CNTN5: variants seen among roughly 807,000 people sequenced by gnomAD.
The protein encoded by CNTN5 is contactin-5.
In CNTN5, 77 loss-of-function variants were observed where a neutral mutation model predicts 129.1. The observed-to-expected ratio is 0.60, with a 90% CI of 0.50 to 0.72. The LOEUF is 0.72. CNTN5 is among the 30% of genes least tolerant of loss of function. The pLI is 0.00. For synonymous variants in CNTN5, 509 were observed against 465.6 expected, an observed-to-expected ratio of 1.09 and a Z score of -1.20; for missense variants, 1,478 against 1,328.8, an observed-to-expected ratio of 1.11 and a Z score of -1.75.
rs1358037068 is a variant in CNTN5, at chr11:99,658,715, AAAAAT to A, written c.55+102448_55+102452del. 2.8e-3 allele frequency among the ~76,000 whole-genome samples: 337 copies of A among 120,430 alleles called. 2 individuals are homozygous for A. Among genetic ancestry groups the A allele is most frequent in the African/African-American group, 9.3e-3 (307 of 32,884 alleles). The allele number at this position is 120,430 out of a possible 152,430, so 79.0% of individuals were successfully genotyped here. The stretch of plus-strand genomic sequence containing the variant: ...AGTGAAATTCTGTCTCTACTAAAAA[AAAAAT>A]ATATATATATATATAAAATTAGCCA... On this transcript the variant is annotated intron_variant, in intron 3 of 24. Coordinates refer to ENST00000524871, the MANE Select transcript of CNTN5 (RefSeq NM_014361.4).
chr11:99,356,765 TAGTC>T (rs1938702483), intron 2 of CNTN5, among the ~76,000 whole-genome samples: 1 of 152,216 alleles, frequency 6.6e-6, no homozygotes, highest in Admixed American at 6.5e-5. Context: ...GAATTATATT[TAGTC>T]AGGCATATTA....
At chr11:100,317,082 T>C (rs1461038582) in intron 21 of CNTN5, among the ~76,000 whole-genome samples, 1 of 152,244 alleles carries the variant, frequency 6.6e-6, no homozygotes, top group Admixed American at 6.5e-5. Context: ...TTTCCACTTA[T>C]TGATTGCACT....
chr11:99,412,880 C>T (rs1458836025), intron 2 of CNTN5, among the ~76,000 whole-genome samples: 3 of 152,132 alleles, frequency 2.0e-5, no homozygotes, highest in African/African-American at 4.8e-5. Context: ...TAGAAGATCA[C>T]CCTGCATCAA....
intron 4 of CNTN5, among the ~76,000 whole-genome samples, chr11:99,839,745 A>G (rs1947419269): frequency 6.6e-6 from 1 of 152,140 alleles, no homozygotes; most frequent in South Asian, 2.1e-4. Context: ...AAATGATTAA[A>G]GAGTTGAAAC....
intron 1 of CNTN5, among the ~76,000 whole-genome samples, chr11:99,029,766 C>T (rs1863274189): frequency 6.6e-6 from 1 of 152,070 alleles, no homozygotes; most frequent in Admixed American, 6.5e-5. Context: ...TAATATTTAT[C>T]TCAAGATTAG....
intron 1 of CNTN5, among the ~76,000 whole-genome samples, chr11:99,118,403 G>GTTAATACTGTTT (rs1858142094): frequency 1.3e-5 from 2 of 152,142 alleles, no homozygotes; most frequent in African/African-American, 4.8e-5. Context: ...CAATGTTGCT[G>GTTAATACTGTTT]ACTTTAATAC....
intron 2 of CNTN5, among the ~76,000 whole-genome samples, chr11:99,497,357 C>T (rs961265002): frequency 6.6e-6 from 1 of 151,734 alleles, no homozygotes; most frequent in African/African-American, 2.4e-5. Context: ...TGAGAACAGA[C>T]AAGGGAACAC....
intron 13 of CNTN5, among the ~76,000 whole-genome samples, chr11:100,176,438 A>G (rs1197074308): frequency 1.3e-5 from 2 of 151,900 alleles, no homozygotes; most frequent in Non-Finnish European, 2.9e-5. Flanking sequence ...TAAGGTCTCA[A>G]ATTTTTATGT....
chr11:99,804,232 G>A (rs1182353811), intron 3 of CNTN5, among the ~76,000 whole-genome samples: 1 of 151,908 alleles, frequency 6.6e-6, no homozygotes, highest in African/African-American at 2.4e-5. Context: ...TTTGGAAAAA[G>A]TTACTTGATA....
chr11:99,718,754 T>G (rs1943069632), intron 3 of CNTN5, among the ~76,000 whole-genome samples: 1 of 152,048 alleles, frequency 6.6e-6, no homozygotes. Flanking sequence ...ACCAAACACT[T>G]TGCTAAGTGT....
At position 100,224,686 on chromosome 11, in the gene CNTN5, T is replaced by C; in HGVS notation, c.1885-6T>C. On this transcript the variant is annotated splice_polypyrimidine_tract_variant and splice_region_variant and intron_variant, in intron 15 of 24. Coordinates refer to ENST00000524871, the MANE Select transcript of CNTN5 (RefSeq NM_014361.4). ...ATTTTAAACTGGCACTTCATCCCTC[T>C]TTCAGCAAGCATCCTCTGCAGATTT... The C allele has an allele frequency of 6.2e-7, 1 of 1,608,962 alleles. No homozygotes were observed. Among genetic ancestry groups the C allele is most frequent in the Non-Finnish European group, 8.5e-7 (1 of 1,176,230 alleles).
chr11:99,705,052 A>T (rs1954695555), intron 3 of CNTN5, among the ~76,000 whole-genome samples: 1 of 151,372 alleles, frequency 6.6e-6, no homozygotes, highest in East Asian at 1.9e-4. Context: ...TAATAAGTCA[A>T]CAACAAAAAA....
chr11:100,203,569 T>C (rs572530964), intron 15 of CNTN5, among the ~76,000 whole-genome samples: 1 of 152,088 alleles, frequency 6.6e-6, no homozygotes, highest in African/African-American at 2.4e-5. Context: ...CTCAGATTCT[T>C]TTCTTTACTC....
At chr11:99,236,652 G>A (rs760687551) in intron 1 of CNTN5, among the ~76,000 whole-genome samples, 13 of 152,106 alleles carry the variant, frequency 8.5e-5, no homozygotes, top group Non-Finnish European at 1.8e-4. Flanking sequence ...ATTTTTGTGA[G>A]GATTAGAAGA....
intron 1 of CNTN5, among the ~76,000 whole-genome samples, chr11:99,101,754 C>G (rs961169922): frequency 6.6e-6 from 1 of 152,204 alleles, no homozygotes; most frequent in African/African-American, 2.4e-5. Context: ...CTCCCAACCC[C>G]TTTCACAAAT....
At chr11:99,225,766 G>T (rs117435250) in intron 1 of CNTN5, among the ~76,000 whole-genome samples, 195 of 152,232 alleles carry the variant, frequency 1.3e-3, no homozygotes, top group Non-Finnish European at 2.2e-3. Flanking sequence ...AAATATAGAT[G>T]AAATATAGCA....
At position 99,664,931 on chromosome 11, in the gene CNTN5, CAG is replaced by C. The variant is rs1952729468; in HGVS notation, c.55+108664_55+108665del. Among the ~76,000 whole-genome samples the C allele has an allele frequency of 2.0e-5, 3 of 152,260 alleles. No individual in the cohort carries two copies. In the South Asian group the frequency reaches 6.2e-4, roughly 32 times the overall value. ...GGAATGCCAAATGTTGTGTCTAACA[CAG>C]AATCTTTTTCCTGGTAGCACTAAAG... On this transcript the variant is annotated intron_variant, in intron 3 of 24. Transcript: ENST00000524871.
chr11:100,084,642 C>A (rs543998653), intron 13 of CNTN5, among the ~76,000 whole-genome samples: 7 of 151,826 alleles, frequency 4.6e-5, no homozygotes, highest in Admixed American at 1.3e-4. Flanking sequence ...GCTTACATCT[C>A]TGTGTTCCAA....
intron 1 of CNTN5, among the ~76,000 whole-genome samples, chr11:99,210,250 C>T (rs1457253734): frequency 6.6e-6 from 1 of 152,176 alleles, no homozygotes; most frequent in Non-Finnish European, 1.5e-5. Context: ...TTCCCGTCTT[C>T]CATTATTCTC....
Sources: gnomAD v4.1 joint callset for allele counts (sites outside exome capture counted in the v4.1 genomes callset) on GRCh38, gnomAD v4.1.1 for gene constraint, MANE v1.5 for transcripts, NCBI Gene and HGNC (gene_info 2026-07-23, HGNC 2026-07-21) for gene names.